Variants in IDO2 observed in about 807,000 individuals in gnomAD.
IDO2 encodes indoleamine 2,3-dioxygenase 2, also known as indoleamine 2,3-dioxygenase-like 1 protein.
IDO2 carries 46 observed loss-of-function variants against 45.1 expected under a neutral mutation model. The observed-to-expected ratio is 1.02, with a 90% confidence interval of 0.80 to 1.30. IDO2 has a LOEUF of 1.30. Ranked by LOEUF, IDO2 falls within the 50% of genes most tolerant of loss-of-function variation. The pLI, the probability that IDO2 is intolerant of heterozygous loss-of-function variation, is 0.00. For missense variants in IDO2, 544 were observed against 491.8 expected (o/e 1.11, Z -1.00); for synonymous variants, 218 against 184.9 (o/e 1.18, Z -1.45).
At position 39,970,829 on chromosome 8, in the gene IDO2, C is replaced by T. The variant is rs139396869; in HGVS notation, c.195+7126C>T. 6.2e-3 allele frequency among the ~76,000 whole-genome samples: 861 copies of T among 139,510 alleles called. 3 individuals are homozygous for T. Among genetic ancestry groups the T allele is most frequent in the African/African-American group, 0.022 (801 of 35,914 alleles). 91.5% of individuals were successfully genotyped at this position (139,510 alleles called of 152,430 possible). ...GTCGCCAGGCTGGAGTGCAGTGATG[C>T]GATCTCAGCTCACTGCAATCTCTGC... On this transcript the variant is annotated intron_variant, in intron 3 of 10. Coordinates refer to ENST00000502986, the Ensembl canonical transcript of IDO2.
intron 3 of IDO2, among the ~76,000 whole-genome samples, chr8:39,972,664 C>G (rs55882919): frequency 0.09 from 8,294 of 92,290 alleles, 269 homozygotes; most frequent in Middle Eastern, 0.25. Context: ...TGCTAACAAA[C>G]AGATTGCATG....
At chr8:40,007,999 A>G (rs1415996447) in intron 9 of IDO2, among the ~76,000 whole-genome samples, 1 of 147,694 alleles carries the variant, frequency 6.8e-6, no homozygotes, top group Non-Finnish European at 1.5e-5. Context: ...TGAGGCATCC[A>G]GTATTCCTTA....
At chr8:39,959,330 G>A (rs1807958554) in intron 2 of IDO2, among the ~76,000 whole-genome samples, 1 of 151,518 alleles carries the variant, frequency 6.6e-6, no homozygotes, top group African/African-American at 2.4e-5. Context: ...TAGCCAGGAT[G>A]GTCTTGATCT....
chr8:40,016,054 C>T (rs983659428), exon 11 of IDO2: 23 of 391,670 alleles, frequency 5.9e-5, no homozygotes, highest in Non-Finnish European at 9.5e-5. Context: ...CCCAGACCAG[C>T]CCTCTTCTCC....
In IDO2 at chr8:39,946,802, G is replaced by T. The variant is rs1807738936; in HGVS notation, c.-17-2347G>T. ...AAGGTGACCTCACTGGGCAGTTACAGTAGTACCCACTTCATAAGTGAAATC... is the reference window on the plus strand; with the variant it reads ...AAGGTGACCTCACTGGGCAGTTACATTAGTACCCACTTCATAAGTGAAATC... On this transcript the variant is annotated intron_variant, in intron 1 of 10. Coordinates refer to ENST00000502986, the Ensembl canonical transcript of IDO2. Among the ~76,000 whole-genome samples the T allele has an allele frequency of 5.3e-5, 8 of 151,862 alleles. No individual in the cohort carries two copies. The South Asian group carries it at 1.7e-3, about 32-fold the overall frequency.
intron 1 of IDO2, among the ~76,000 whole-genome samples, chr8:39,939,496 G>A (rs1807609712): frequency 7.6e-6 from 1 of 132,204 alleles, no homozygotes; most frequent in Non-Finnish European, 1.5e-5. Flanking sequence ...GCAGTGAGCC[G>A]ATATCGCACC....
At chr8:39,962,092 C>A (rs1003801986) in intron 2 of IDO2, among the ~76,000 whole-genome samples, 1 of 152,132 alleles carries the variant, frequency 6.6e-6, no homozygotes, top group African/African-American at 2.4e-5. Context: ...TGAAAATTCA[C>A]GAAAATTAAT....
At chr8:39,982,753 C>A in exon 5 of IDO2, 1 of 1,594,888 alleles carries the variant, frequency 6.3e-7, no homozygotes, top group Admixed American at 1.7e-5. Flanking sequence ...CGAACTGGAC[C>A]AAAAAAGATC....
At chr8:39,987,944 G>A in exon 7 of IDO2, 1 of 1,609,166 alleles carries the variant, frequency 6.2e-7, no homozygotes, top group African/African-American at 1.3e-5. Context: ...TGCTTTGGTA[G>A]AGAAAGAAGC....
At chr8:40,007,216 A>T (rs1477219757) in intron 9 of IDO2, among the ~76,000 whole-genome samples, 2 of 151,904 alleles carry the variant, frequency 1.3e-5, no homozygotes, top group Non-Finnish European at 2.9e-5. Flanking sequence ...AAATAATCTG[A>T]AGCTGTGTCT....
Position 40,015,307 on chromosome 8 carries a change from A to ACATC in IDO2, c.932_935dup (p.Ser313ProfsTer23), listed in dbSNP as rs1401005210. 6.8e-6 allele frequency: 11 copies of ACATC among 1,613,696 alleles called. No individual in the cohort carries two copies. The African/African-American group carries it at 1.5e-4, about 22-fold the overall frequency. On this transcript the variant is annotated frameshift_variant, in exon 11 of 11. Transcript: ENST00000502986. LOFTEE classifies it high-confidence loss of function. The stretch of plus-strand genomic sequence containing the variant: ...CCTTCCCATAAGGCCTTCATAGAAG[A>ACATC]CATCCACTCAGCACCTTCCCTGAGG...
At chr8:40,000,881 T>C (rs1373553867) in intron 8 of IDO2, among the ~76,000 whole-genome samples, 1 of 152,242 alleles carries the variant, frequency 6.6e-6, no homozygotes, top group Non-Finnish European at 1.5e-5. Context: ...CTTCATTCAT[T>C]AATTCATTCA....
intron 2 of IDO2, among the ~76,000 whole-genome samples, chr8:39,960,399 T>C (rs891676018): frequency 1.2e-4 from 18 of 152,194 alleles, no homozygotes; most frequent in African/African-American, 4.3e-4. Context: ...AGTCCTTTGC[T>C]CCTTCTGCAT....
In IDO2 at chr8:39,989,705, T is replaced by C. The variant is rs1303362352; in HGVS notation, c.550-16T>C. 2 of 1,532,748 alleles carry C rather than the reference T, an allele frequency of 1.3e-6. No homozygotes were observed. The highest frequency in any genetic ancestry group is 8.9e-7 in the Non-Finnish European group (1 of 1,126,864). 94.9% of individuals were successfully genotyped at this position (1,532,748 alleles called of 1,614,324 possible). On this transcript the variant is annotated splice_polypyrimidine_tract_variant and intron_variant, in intron 7 of 10. Transcript: ENST00000502986. ...AGGGAGTGCTAATAAGTTGTGTACA[T>C]GCATCTCATCCCTAGGCTCTTGTTC...
intron 8 of IDO2, among the ~76,000 whole-genome samples, chr8:40,004,049 G>A (rs1272047035): frequency 6.6e-6 from 1 of 152,048 alleles, no homozygotes; most frequent in African/African-American, 2.4e-5. Flanking sequence ...GTTAAGTTGG[G>A]CAAAATATTA....
intron 3 of IDO2, among the ~76,000 whole-genome samples, chr8:39,967,497 CT>C (rs899199666): frequency 2.1e-4 from 30 of 142,242 alleles, no homozygotes; most frequent in Middle Eastern, 3.5e-3. Context: ...AGTTTCTTTT[CT>C]TTTTTTTGAG....
chr8:39,996,259 C>A (rs778735550), intron 8 of IDO2, among the ~76,000 whole-genome samples: 1 of 152,150 alleles, frequency 6.6e-6, no homozygotes, highest in African/African-American at 2.4e-5. Flanking sequence ...TGTGCTTCAG[C>A]GGTCACGCTC....
intron 9 of IDO2, among the ~76,000 whole-genome samples, chr8:40,010,141 G>C (rs541066774): frequency 1.3e-5 from 2 of 152,206 alleles, no homozygotes; most frequent in Non-Finnish European, 2.9e-5. Flanking sequence ...GCTGGATAGA[G>C]AGTATTAGAG....
intron 8 of IDO2, among the ~76,000 whole-genome samples, chr8:40,004,560 TAGATAGAC>T (rs1258958336): frequency 8.4e-4 from 128 of 151,740 alleles, no homozygotes; most frequent in African/African-American, 2.0e-3. Context: ...GATAGATAGA[TAGATAGAC>T]GATAGATAGA....
Sources: allele counts gnomAD v4.1 joint callset (sites outside exome capture counted in the v4.1 genomes callset), GRCh38; gene constraint gnomAD v4.1.1; transcripts MANE v1.5; gene names NCBI Gene and HGNC (gene_info 2026-07-23, HGNC 2026-07-21).